KCNH5: variants seen among roughly 807,000 people sequenced by gnomAD.
The protein encoded by KCNH5 is voltage-gated delayed rectifier potassium channel KCNH5.
In KCNH5, 46 loss-of-function variants were observed where a neutral mutation model predicts 96.1. The ratio of observed to expected loss-of-function variants is 0.48; its 90% CI spans 0.38 to 0.61. The LOEUF (loss-of-function observed/expected upper bound fraction) is 0.61. Ranked by LOEUF, KCNH5 falls within the 20% of genes least tolerant of loss-of-function variation. KCNH5 has a pLI of 0.00. For missense variants in KCNH5, 907 were observed against 1,225.8 expected (o/e 0.74, Z 3.88); for synonymous variants, 439 against 449.8 (o/e 0.98, Z 0.30).
chr14:62,767,105 C>T (rs1885877679), intron 10 of KCNH5, among the ~76,000 whole-genome samples: 1 of 151,986 alleles, frequency 6.6e-6, no homozygotes, highest in South Asian at 2.1e-4. Context: ...GAGAAATGCA[C>T]ATCAAAACTA....
chr14:62,719,754 G>A (rs924618642), intron 10 of KCNH5, among the ~76,000 whole-genome samples: 1 of 152,138 alleles, frequency 6.6e-6, no homozygotes, highest in Non-Finnish European at 1.5e-5. Context: ...TCCTAAATCA[G>A]GTTTTCAATC....
chr14:63,017,125 A>G (rs1486998046), intron 1 of KCNH5, among the ~76,000 whole-genome samples, 171 bp from the exon 2 acceptor site: 1 of 152,112 alleles, frequency 6.6e-6, no homozygotes, highest in Admixed American at 6.6e-5. Context: ...TTGCATGATC[A>G]TGAGACCTGC....
intron 7 of KCNH5, among the ~76,000 whole-genome samples, chr14:62,878,206 G>GC (rs199657741): frequency 1.7e-4 from 23 of 138,314 alleles, no homozygotes; most frequent in East Asian, 6.0e-4. Context: ...GGGGATGGGG[G>GC]GGGGGGCGGA....
At chr14:63,033,830 G>A (rs1162119800) in intron 1 of KCNH5, among the ~76,000 whole-genome samples, 2 of 151,936 alleles carry the variant, frequency 1.3e-5, no homozygotes, top group Non-Finnish European at 1.5e-5. Flanking sequence ...AAAAAAAGGA[G>A]GGGGTGGGTG....
At chr14:62,953,754 T>G (rs1248256261) in intron 6 of KCNH5, among the ~76,000 whole-genome samples, 2 of 152,156 alleles carry the variant, frequency 1.3e-5, no homozygotes, top group Non-Finnish European at 2.9e-5. Flanking sequence ...TCCATTCCCA[T>G]AGACATGTTT....
intron 7 of KCNH5, among the ~76,000 whole-genome samples, chr14:62,925,248 CAT>C (rs1487741339): frequency 6.6e-6 from 1 of 151,942 alleles, no homozygotes; most frequent in African/African-American, 2.4e-5. Context: ...AACTAAAAGA[CAT>C]ATGTTTTGCT....
At chr14:62,746,642 C>T (rs1480668822) in intron 10 of KCNH5, among the ~76,000 whole-genome samples, 1 of 152,218 alleles carries the variant, frequency 6.6e-6, no homozygotes, top group African/African-American at 2.4e-5. Context: ...TTTAAAATGA[C>T]AGTTCTCTCT....
intron 10 of KCNH5, among the ~76,000 whole-genome samples, chr14:62,751,814 T>C (rs896540340): frequency 6.6e-6 from 1 of 152,208 alleles, no homozygotes; most frequent in Admixed American, 6.5e-5. Flanking sequence ...ATACAAGAGC[T>C]GTTCCATAGA....
chr14:62,712,330 T>G, intron 10 of KCNH5: 1 of 247,482 alleles, frequency 4.0e-6, no homozygotes, highest in Non-Finnish European at 7.7e-6. Context: ...ATAAAATATC[T>G]GTATATAGCA....
chr14:62,830,876 A>T (rs61091146), intron 8 of KCNH5, among the ~76,000 whole-genome samples: 461 of 152,162 alleles, frequency 3.0e-3, no homozygotes, highest in African/African-American at 0.011. Context: ...TTTGGATCTG[A>T]CTTCTGATAT....
chr14:63,007,338 A>T (rs12589987), intron 2 of KCNH5, among the ~76,000 whole-genome samples: 1 of 151,978 alleles, frequency 6.6e-6, no homozygotes, highest in African/African-American at 2.4e-5. Flanking sequence ...AGAAAGGAGG[A>T]TGACAATTTT....
At chr14:62,847,901 C>G (rs2140043826) in intron 8 of KCNH5, among the ~76,000 whole-genome samples, 1 of 152,316 alleles carries the variant, frequency 6.6e-6, no homozygotes, top group East Asian at 1.9e-4. Flanking sequence ...CATGCCAGTG[C>G]ATCAGACCCT....
intron 6 of KCNH5, among the ~76,000 whole-genome samples, chr14:62,963,888 C>A (rs1269634565): frequency 6.6e-6 from 1 of 152,100 alleles, no homozygotes; most frequent in African/African-American, 2.4e-5. Context: ...TAAAGATCTA[C>A]AAACCCTAAG....
At chr14:62,799,272 A>G (rs939993175) in intron 9 of KCNH5, among the ~76,000 whole-genome samples, 2 of 152,092 alleles carry the variant, frequency 1.3e-5, no homozygotes, top group African/African-American at 2.4e-5. Context: ...AGGGCAAATC[A>G]AAAGGATTTA....
intron 1 of KCNH5, among the ~76,000 whole-genome samples, chr14:63,018,251 G>A (rs1419583514): frequency 6.6e-6 from 1 of 151,858 alleles, no homozygotes; most frequent in Non-Finnish European, 1.5e-5. Context: ...TTCATGGTGT[G>A]AAAGAGCTCA....
At chr14:62,903,343 G>A (rs1365943947) in intron 7 of KCNH5, among the ~76,000 whole-genome samples, 1 of 152,102 alleles carries the variant, frequency 6.6e-6, no homozygotes, top group Non-Finnish European at 1.5e-5. Context: ...GTGAAAATAT[G>A]TCAAATGTTC....
intron 2 of KCNH5, among the ~76,000 whole-genome samples, chr14:63,011,038 C>T (rs1414076867): frequency 2.0e-5 from 3 of 152,064 alleles, no homozygotes; most frequent in African/African-American, 7.2e-5. Flanking sequence ...ATAGACTTAA[C>T]GCAGTTGGTA....
intron 10 of KCNH5, among the ~76,000 whole-genome samples, chr14:62,762,271 C>T (rs1885767414): frequency 6.6e-6 from 1 of 152,260 alleles, no homozygotes; most frequent in South Asian, 2.1e-4. Context: ...GCCCATGGAA[C>T]AAGGGCAGTC....
chr14:62,911,986 C>T (rs1035671879), intron 7 of KCNH5, among the ~76,000 whole-genome samples: 2 of 144,884 alleles, frequency 1.4e-5, no homozygotes, highest in African/African-American at 2.6e-5. Flanking sequence ...TGCAGTGAGC[C>T]GAGATCATGC....
Sources: allele counts gnomAD v4.1 joint callset (sites outside exome capture counted in the v4.1 genomes callset), GRCh38; gene constraint gnomAD v4.1.1; transcripts MANE v1.5; gene names NCBI Gene and HGNC (gene_info 2026-07-23, HGNC 2026-07-21).